Variants in RGL1 observed in about 807,000 individuals in gnomAD.
RGL1 encodes ral guanine nucleotide dissociation stimulator-like 1.
Under a neutral mutation model 95.2 loss-of-function variants are expected in RGL1, and 24 were observed. That is an observed-to-expected ratio of 0.25 (90% CI 0.18 to 0.35). The LOEUF is 0.35. Among genes scored for constraint, RGL1 ranks in the 10% least tolerant of loss-of-function variants. The probability of loss-of-function intolerance (pLI) is 1.00; values close to 1 mark genes in which losing one functional copy is unlikely to be tolerated. For missense variants in RGL1, 715 were observed against 936.3 expected, an observed-to-expected ratio of 0.76 and a Z score of 3.08; for synonymous variants, 329 against 344.9, an observed-to-expected ratio of 0.95 and a Z score of 0.51.
chr1:183,787,820 C>G (rs1184954727), intron 2 of RGL1, among the ~76,000 whole-genome samples: 1 of 150,374 alleles, frequency 6.7e-6, no homozygotes, highest in Non-Finnish European at 1.5e-5. Flanking sequence ...TTAAAAAAAA[C>G]AAAAACAAAA....
chr1:183,882,864 T>G (rs1028547129), intron 5 of RGL1, among the ~76,000 whole-genome samples: 18 of 152,318 alleles, frequency 1.2e-4, no homozygotes, highest in African/African-American at 4.1e-4. Context: ...AATATAAGCA[T>G]TCTGGGGGAG....
chr1:183,877,646 GTCC>G (rs1462638830), intron 4 of RGL1, among the ~76,000 whole-genome samples: 1 of 152,122 alleles, frequency 6.6e-6, no homozygotes, highest in African/African-American at 2.4e-5. Flanking sequence ...CTGTTTCTTC[GTCC>G]TCCTCCCCCT....
chr1:183,682,317 T>C (rs1370762587), intron 1 of RGL1, among the ~76,000 whole-genome samples: 1 of 152,226 alleles, frequency 6.6e-6, no homozygotes, highest in Non-Finnish European at 1.5e-5. Context: ...GTGCTATTAA[T>C]TTCCCTCTAC....
At position 183,780,718 on chromosome 1, in the gene RGL1, G is replaced by A. The variant is rs541131635; in HGVS notation, c.133-25657G>A. 2.1e-4 allele frequency among the ~76,000 whole-genome samples: 32 copies of A among 152,252 alleles called. No homozygotes were observed. The East Asian group carries it at 5.4e-3, about 26-fold the overall frequency. ...GTATGATAGGTGATACTTTCAGCGC[G>A]GTGGACTCTTTTGAGTCTCAGTTTT... On this transcript the variant is annotated intron_variant, in intron 2 of 18. Coordinates refer to the RGL1 transcript ENST00000304685.
At chr1:183,865,595 A>G (rs1665776405) in intron 3 of RGL1, among the ~76,000 whole-genome samples, 1 of 152,208 alleles carries the variant, frequency 6.6e-6, no homozygotes, top group Non-Finnish European at 1.5e-5. Context: ...CTGCAGAGCC[A>G]TGTGTCCCTT....
chr1:183,804,470 C>T (rs780912695), upstream of RGL1, among the ~76,000 whole-genome samples: 3 of 152,192 alleles, frequency 2.0e-5, no homozygotes, highest in Non-Finnish European at 4.4e-5. Flanking sequence ...CCTACTGTGT[C>T]CCTACAGTAC....
intron 15 of RGL1, among the ~76,000 whole-genome samples, chr1:183,912,952 A>G (rs1399753409): frequency 1.3e-5 from 2 of 152,324 alleles, no homozygotes; most frequent in Non-Finnish European, 2.9e-5. Context: ...AAGCAGAGAA[A>G]TAGGCTCCAG....
intron 10 of RGL1, 41 bp from the exon 11 acceptor site, chr1:183,900,109 T>G: frequency 6.5e-7 from 1 of 1,548,154 alleles, no homozygotes; most frequent in Non-Finnish European, 8.9e-7. Flanking sequence ...CCTCAACTTT[T>G]CAATGACAAT....
At chr1:183,788,365 C>T (rs1660282199) in intron 2 of RGL1, among the ~76,000 whole-genome samples, 1 of 152,164 alleles carries the variant, frequency 6.6e-6, no homozygotes, top group African/African-American at 2.4e-5. Context: ...CAAATTCCTC[C>T]CTCCTCTCTT....
intron 1 of RGL1, among the ~76,000 whole-genome samples, chr1:183,692,698 T>C (rs28595511): frequency 0.081 from 12,290 of 152,178 alleles, 911 homozygotes; most frequent in African/African-American, 0.2. Context: ...AATAGCATTA[T>C]GAAGGGAATA....
intron 1 of RGL1, among the ~76,000 whole-genome samples, chr1:183,668,966 C>CTCACTCTG (rs1652244276): frequency 8.4e-6 from 1 of 119,340 alleles, no homozygotes; most frequent in African/African-American, 3.2e-5. Context: ...GAGATGGAGT[C>CTCACTCTG]TCACTCTGTC....
intron 4 of RGL1, among the ~76,000 whole-genome samples, chr1:183,868,300 A>C (rs983708189): frequency 6.6e-6 from 1 of 152,218 alleles, no homozygotes; most frequent in Non-Finnish European, 1.5e-5. Context: ...AAGGGCATTA[A>C]TTTCTTGCAG....
At chr1:183,873,784 C>T (rs1666324116) in intron 4 of RGL1, among the ~76,000 whole-genome samples, 1 of 152,188 alleles carries the variant, frequency 6.6e-6, no homozygotes, top group South Asian at 2.1e-4. Context: ...GCAAGGTTCG[C>T]ACACAGCTGT....
chr1:183,661,535 A>G (rs1398527040), intron 1 of RGL1, among the ~76,000 whole-genome samples: 1 of 152,172 alleles, frequency 6.6e-6, no homozygotes, highest in Non-Finnish European at 1.5e-5. Context: ...GAATAGACCA[A>G]TAACAGGCTC....
chr1:183,663,381 C>A (rs1332360244), intron 1 of RGL1, among the ~76,000 whole-genome samples: 1 of 148,100 alleles, frequency 6.8e-6, no homozygotes, highest in Non-Finnish European at 1.5e-5. Flanking sequence ...AAACAAACAA[C>A]CCCATCAAAA....
At chr1:183,698,684 GACA>G (rs1654398267) in intron 1 of RGL1, among the ~76,000 whole-genome samples, 1 of 152,212 alleles carries the variant, frequency 6.6e-6, no homozygotes, top group East Asian at 1.9e-4. Context: ...CACTTAACAT[GACA>G]TTATCCAATA....
intron 1 of RGL1, among the ~76,000 whole-genome samples, chr1:183,638,517 T>A (rs184672514): frequency 6.6e-6 from 1 of 150,750 alleles, no homozygotes; most frequent in Middle Eastern, 3.4e-3. Flanking sequence ...GGTAGTTAAA[T>A]CTTTATAAAG....
At chr1:183,677,242 C>A (rs559194126) in intron 1 of RGL1, among the ~76,000 whole-genome samples, 1 of 150,980 alleles carries the variant, frequency 6.6e-6, no homozygotes, top group South Asian at 2.1e-4. Flanking sequence ...TAGATAAAAG[C>A]CACAACTTCT....
In RGL1 at chr1:183,751,606, A is replaced by AG. The variant is rs77642015; in HGVS notation, c.132+9317_132+9318insG. Among the ~76,000 whole-genome samples the AG allele has an allele frequency of 2.1e-3, 316 of 151,362 alleles. 9 individuals carry two copies. The East Asian group carries it at 0.047, about 22-fold the overall frequency. Reference sequence around the variant, plus strand: ...AGGCACCACTAGGGTATGAAAAAAAACTCCTGCAGCTAGCTCAGTGTCTGC... The same window carrying AG: ...AGGCACCACTAGGGTATGAAAAAAAAGCTCCTGCAGCTAGCTCAGTGTCTGC... On this transcript the variant is annotated intron_variant, in intron 2 of 18. Transcript: ENST00000304685.
Sources: gnomAD v4.1 joint callset for allele counts (sites outside exome capture counted in the v4.1 genomes callset) on GRCh38, gnomAD v4.1.1 for gene constraint, MANE v1.5 for transcripts, NCBI Gene and HGNC (gene_info 2026-07-23, HGNC 2026-07-21) for gene names.